Variants in SPSB1 observed in about 807,000 individuals in gnomAD.
SPSB1 encodes splA/ryanodine receptor domain and SOCS box containing 1, also known as SPRY domain-containing SOCS box protein 1.
A neutral mutation model predicts 21.2 loss-of-function variants in SPSB1; 8 were observed. The observed-to-expected ratio is 0.38, with a 90% CI of 0.22 to 0.68. The LOEUF (loss-of-function observed/expected upper bound fraction) is 0.68. Ranked by LOEUF, SPSB1 falls within the 30% of genes least tolerant of loss-of-function variation. The probability of loss-of-function intolerance (pLI) is 0.53; values close to 1 mark genes in which losing one functional copy is unlikely to be tolerated. For missense variants in SPSB1, 242 were observed against 377.8 expected (o/e 0.64, Z 2.98); for synonymous variants, 169 against 161.7 (o/e 1.05, Z -0.34).
intron 1 of SPSB1, among the ~76,000 whole-genome samples, chr1:9,301,650 C>T (rs996955967): frequency 5.3e-5 from 8 of 152,186 alleles, no homozygotes; most frequent in African/African-American, 1.9e-4. Flanking sequence ...CCTGGCCACC[C>T]CTGTCATCGC....
At chr1:9,362,896 A>G (rs1470631351) in intron 2 of SPSB1, among the ~76,000 whole-genome samples, 1 of 152,230 alleles carries the variant, frequency 6.6e-6, no homozygotes, top group African/African-American at 2.4e-5. Context: ...AATTATTTAA[A>G]TGAATGAGCG....
chr1:9,320,051 G>T (rs1220456338), intron 1 of SPSB1, among the ~76,000 whole-genome samples: 2 of 152,164 alleles, frequency 1.3e-5, no homozygotes, highest in African/African-American at 4.8e-5. Context: ...GGTGACTCTT[G>T]CTGTGTGTGC....
At chr1:9,338,049 G>C (rs1263723956) in intron 1 of SPSB1, among the ~76,000 whole-genome samples, 1 of 152,216 alleles carries the variant, frequency 6.6e-6, no homozygotes, top group Non-Finnish European at 1.5e-5. Flanking sequence ...GTGCAGGGAA[G>C]AGGGAGCAGG....
chr1:9,319,424 T>A (rs570151174), intron 1 of SPSB1, among the ~76,000 whole-genome samples: 11 of 152,148 alleles, frequency 7.2e-5, no homozygotes, highest in Admixed American at 6.5e-4. Flanking sequence ...TCCTCCCTCC[T>A]CTTCCTCCTT....
Position 9,293,677 on chromosome 1 carries a change from G to A in SPSB1, c.-150+606G>A, listed in dbSNP as rs888072365. ...CGGAGGGAGAGCCGGAGGGTTGTCAGGAAATCGATTAAATCAGAAAAACAA... is the reference window on the plus strand; with the variant it reads ...CGGAGGGAGAGCCGGAGGGTTGTCAAGAAATCGATTAAATCAGAAAAACAA... On this transcript the variant is annotated intron_variant, in intron 1 of 2. Coordinates refer to ENST00000328089, the MANE Select transcript of SPSB1 (RefSeq NM_025106.4). This position sits in a 1 kb window ranked among gnomAD's most constrained non-coding sequence, Gnocchi z 5.1. Among the ~76,000 whole-genome samples, 2 of 152,184 alleles carry A rather than the reference G, an allele frequency of 1.3e-5. No individual in the cohort carries two copies. The highest frequency in any genetic ancestry group is 2.9e-5 in the Non-Finnish European group (2 of 68,014).
chr1:9,314,395 T>C (rs1639576035), intron 1 of SPSB1, among the ~76,000 whole-genome samples: 1 of 151,760 alleles, frequency 6.6e-6, no homozygotes, highest in Admixed American at 6.6e-5. Flanking sequence ...CCTGGTACCT[T>C]CCTGATGGGA....
At chr1:9,320,959 T>G (rs1223050382) in intron 1 of SPSB1, among the ~76,000 whole-genome samples, 1 of 119,192 alleles carries the variant, frequency 8.4e-6, no homozygotes, top group African/African-American at 3.1e-5. Flanking sequence ...CCCCCTCCCC[T>G]GCTTAAAATC....
chr1:9,321,119 G>A lies in SPSB1; in HGVS notation c.-150+28048G>A, dbSNP rs549066242. Among the ~76,000 whole-genome samples the A allele has an allele frequency of 6.0e-5, 9 of 150,722 alleles. No individual in the cohort carries two copies. Among genetic ancestry groups the A allele is most frequent in the East Asian group, 3.9e-4 (2 of 5,114 alleles). ...AGCCTTTTCCTTCTACCCCTCCCCC[G>A]AAAAGAAAACAACAACCAAAAAATC... On this transcript the variant is annotated intron_variant, in intron 1 of 2. Transcript: ENST00000328089. The surrounding 1 kb of genome is among the most constrained non-coding windows in gnomAD (Gnocchi z 4.8).
At chr1:9,303,958 A>G (rs755384722) in intron 1 of SPSB1, among the ~76,000 whole-genome samples, 5 of 152,242 alleles carry the variant, frequency 3.3e-5, no homozygotes, top group Non-Finnish European at 7.3e-5. Context: ...GCATTTGTGT[A>G]GAATGATTGG....
chr1:9,343,991 T>C (rs2100504060), intron 1 of SPSB1, among the ~76,000 whole-genome samples: 1 of 152,288 alleles, frequency 6.6e-6, no homozygotes, highest in South Asian at 2.1e-4. Context: ...GGTTTCACCG[T>C]GTTAGCCAGG....
Position 9,307,857 on chromosome 1 carries a change from G to A in SPSB1, c.-150+14786G>A, listed in dbSNP as rs150326449. Among the ~76,000 whole-genome samples, 265 of 152,234 alleles carry A rather than the reference G, an allele frequency of 1.7e-3. 1 individual carries two copies. The highest frequency in any genetic ancestry group is 6.8e-3 in the Middle Eastern group (2 of 294). On this transcript the variant is annotated intron_variant, in intron 1 of 2. Transcript: ENST00000328089. ...GGTGAATTTGTAAATCCATGATGTG[G>A]TCTTCGGGGTGCGCGTGGCCCCTCC...
Position 9,321,851 on chromosome 1 carries a change from G to A in SPSB1, c.-150+28780G>A, listed in dbSNP as rs1639726765. Among the ~76,000 whole-genome samples the A allele has an allele frequency of 1.3e-5, 2 of 152,156 alleles. No individual in the cohort carries two copies. The highest frequency in any genetic ancestry group is 2.9e-5 in the Non-Finnish European group (2 of 68,026). On this transcript the variant is annotated intron_variant, in intron 1 of 2. Transcript: ENST00000328089. This position sits in a 1 kb window ranked among gnomAD's most constrained non-coding sequence, Gnocchi z 4.8. ...CTCTTCAGTGGCAGAAGTATCTTGG[G>A]TGGTGTTTTATGGGCAGAGTGGGGT...
At chr1:9,315,613 C>A (rs1639600835) in intron 1 of SPSB1, among the ~76,000 whole-genome samples, 1 of 152,210 alleles carries the variant, frequency 6.6e-6, no homozygotes, top group Non-Finnish European at 1.5e-5. Context: ...TGCATGGCAC[C>A]CTTGGCCTGA....
chr1:9,329,018 G>A (rs954028051), intron 1 of SPSB1, among the ~76,000 whole-genome samples: 3 of 152,212 alleles, frequency 2.0e-5, no homozygotes, highest in African/African-American at 4.8e-5. Flanking sequence ...TACTAGGGGC[G>A]GGCCCTGCAT....
chr1:9,316,962 C>T (rs2100477864), intron 1 of SPSB1, among the ~76,000 whole-genome samples: 1 of 152,082 alleles, frequency 6.6e-6, no homozygotes, highest in East Asian at 1.9e-4. Flanking sequence ...CGCAGAGATC[C>T]CAGGCCCCGT....
At chr1:9,364,237 T>C in intron 2 of SPSB1, among the ~76,000 whole-genome samples, 1 of 152,334 alleles carries the variant, frequency 6.6e-6, no homozygotes, top group East Asian at 1.9e-4. Flanking sequence ...TTGGCCCTGA[T>C]GCAGGCCAGA....
In SPSB1 at chr1:9,345,544, G is replaced by A. The variant is rs1355613821; in HGVS notation, c.-149-10199G>A. ...GGGGTCCCTCAAGAACTGGCTTCTC[G>A]TCTGCATCAGGCACAGTCCGTTGTC... On this transcript the variant is annotated intron_variant, in intron 1 of 2. Transcript: ENST00000328089. This position sits in a 1 kb window ranked among gnomAD's most constrained non-coding sequence, Gnocchi z 4.8. Among the ~76,000 whole-genome samples the A allele has an allele frequency of 1.3e-5, 2 of 152,190 alleles. No individual in the cohort carries two copies. Among genetic ancestry groups the A allele is most frequent in the African/African-American group, 2.4e-5 (1 of 41,436 alleles).
intron 1 of SPSB1, among the ~76,000 whole-genome samples, chr1:9,338,436 TG>T (rs1395803733): frequency 1.3e-5 from 2 of 152,160 alleles, no homozygotes; most frequent in Non-Finnish European, 2.9e-5. Context: ...ACAGCACTTG[TG>T]GGGGTCAGTG....
chr1:9,349,723 T>G (rs1452298891), intron 1 of SPSB1, among the ~76,000 whole-genome samples: 1 of 152,240 alleles, frequency 6.6e-6, no homozygotes, highest in Non-Finnish European at 1.5e-5. Context: ...TCACGGCCTC[T>G]GGGCCAGTTG....
Sources: gnomAD v4.1 joint callset for allele counts (sites outside exome capture counted in the v4.1 genomes callset) on GRCh38, gnomAD v4.1.1 for gene constraint, Gnocchi (gnomAD v3.1) non-coding constraint, MANE v1.5 for transcripts, NCBI Gene and HGNC (gene_info 2026-07-23, HGNC 2026-07-21) for gene names.